ANKS1B: variants seen among roughly 807,000 people sequenced by gnomAD.
ANKS1B encodes the protein ankyrin repeat and sterile alpha motif domain-containing protein 1B.
In ANKS1B, 36 loss-of-function variants were observed where a neutral mutation model predicts 148.3. The ratio of observed to expected loss-of-function variants is 0.24; its 90% confidence interval spans 0.19 to 0.32. The LOEUF is 0.32. Ranked by LOEUF, ANKS1B falls within the 10% of genes least tolerant of loss-of-function variation. ANKS1B has a pLI of 1.00. For synonymous variants in ANKS1B, 542 were observed against 560.8 expected, an observed-to-expected ratio of 0.97 and a Z score of 0.47; for missense variants, 1,157 against 1,542.6, an observed-to-expected ratio of 0.75 and a Z score of 4.19.
chr12:99,378,652 C>CAAAAAAAAAAAAAAAAAAAAA (rs140892353), intron 12 of ANKS1B, among the ~76,000 whole-genome samples: 1 of 90,710 alleles, frequency 1.1e-5, no homozygotes, highest in Non-Finnish European at 2.4e-5. Flanking sequence ...GACTCCATCT[C>CAAAAAAAAAAAAAAAAAAAAA]AAAAAAAAAA....
intron 14 of ANKS1B, among the ~76,000 whole-genome samples, chr12:99,165,660 C>G (rs1040790887): frequency 1.3e-5 from 2 of 150,596 alleles, no homozygotes; most frequent in African/African-American, 4.9e-5. Flanking sequence ...AACAAAACTC[C>G]AGGCCTCAAT....
At chr12:99,071,730 C>T (rs907457583) in intron 16 of ANKS1B, among the ~76,000 whole-genome samples, 1 of 151,784 alleles carries the variant, frequency 6.6e-6, no homozygotes, top group African/African-American at 2.4e-5. Context: ...TCACTGCAAG[C>T]TCCACCTCCC....
chr12:99,953,655 A>G (rs1168149406), intron 1 of ANKS1B, among the ~76,000 whole-genome samples: 1 of 152,176 alleles, frequency 6.6e-6, no homozygotes, highest in Admixed American at 6.5e-5. Context: ...TGTAAATGCA[A>G]AGATGAGGAA....
intron 14 of ANKS1B, among the ~76,000 whole-genome samples, chr12:99,213,267 G>A (rs931145596): frequency 1.3e-5 from 2 of 152,190 alleles, no homozygotes; most frequent in African/African-American, 4.8e-5. Context: ...AGGAGGTGCT[G>A]GAAGCCTGGC....
intron 14 of ANKS1B, among the ~76,000 whole-genome samples, chr12:99,234,582 T>G (rs751548348): frequency 6.6e-5 from 10 of 152,146 alleles, no homozygotes; most frequent in Non-Finnish European, 1.5e-4. Flanking sequence ...TAGGACAAGG[T>G]GAGAGCTAAA....
intron 14 of ANKS1B, among the ~76,000 whole-genome samples, chr12:99,226,928 G>A (rs2086037328): frequency 6.6e-6 from 1 of 152,180 alleles, no homozygotes; most frequent in Non-Finnish European, 1.5e-5. Context: ...GAAACTTAGA[G>A]GTAAAATTGA....
intron 17 of ANKS1B, among the ~76,000 whole-genome samples, chr12:99,013,220 G>T (rs2099940490): frequency 6.6e-6 from 1 of 152,114 alleles, no homozygotes; most frequent in Non-Finnish European, 1.5e-5. Flanking sequence ...ACAAAATTTT[G>T]CTTTTCTAAT....
At chr12:99,671,787 T>C (rs1372096232) in intron 8 of ANKS1B, among the ~76,000 whole-genome samples, 1 of 152,098 alleles carries the variant, frequency 6.6e-6, no homozygotes, top group Admixed American at 6.6e-5. Context: ...AATAAAGTAG[T>C]ATGTGGTACT....
chr12:99,878,759 A>C (rs1419543843), intron 1 of ANKS1B, among the ~76,000 whole-genome samples: 1 of 152,004 alleles, frequency 6.6e-6, no homozygotes, highest in East Asian at 1.9e-4. Context: ...CCTCATCTGC[A>C]TTTAACCCTT....
rs1432967526 is a variant in ANKS1B at position 98,841,964 on chromosome 12, C to T, written c.2779-9828G>A. ...GATGTGGAGGAACTGGAACTCTCAT[C>T]TTGCTGGTAGGATTGTAAATGGCAC... On this transcript the variant is annotated intron_variant, in intron 17 of 26. Coordinates refer to ENST00000683438, the MANE Select transcript of ANKS1B (RefSeq NM_001352186.2). Among the ~76,000 whole-genome samples, 7 of 152,246 alleles carry T rather than the reference C, an allele frequency of 4.6e-5. No individual in the cohort carries two copies. The South Asian group carries it at 1.5e-3, about 32-fold the overall frequency.
intron 4 of ANKS1B, among the ~76,000 whole-genome samples, chr12:99,796,077 C>A (rs1046873214): frequency 1.3e-5 from 2 of 152,072 alleles, no homozygotes; most frequent in African/African-American, 4.8e-5. Flanking sequence ...CATCACTGCT[C>A]TTGTGCTTTG....
chr12:99,223,462 G>A (rs908755575), intron 14 of ANKS1B, among the ~76,000 whole-genome samples: 12 of 152,000 alleles, frequency 7.9e-5, no homozygotes, highest in African/African-American at 2.7e-4. Flanking sequence ...CAACTAGATG[G>A]TCCCATCTGG....
At chr12:99,130,854 G>A (rs2065887178) in intron 15 of ANKS1B, among the ~76,000 whole-genome samples, 2 of 151,976 alleles carry the variant, frequency 1.3e-5, no homozygotes, top group South Asian at 4.2e-4. Context: ...ATGCCCCTTG[G>A]TACATGCTAT....
At chr12:99,616,359 C>T (rs1007512469) in intron 9 of ANKS1B, among the ~76,000 whole-genome samples, 12 of 152,096 alleles carry the variant, frequency 7.9e-5, no homozygotes, top group African/African-American at 9.7e-5. Flanking sequence ...AAGAACAAAG[C>T]TGGAGGCATC....
At chr12:99,588,214 T>C (rs1365376796) in intron 9 of ANKS1B, among the ~76,000 whole-genome samples, 1 of 152,130 alleles carries the variant, frequency 6.6e-6, no homozygotes, top group Non-Finnish European at 1.5e-5. Flanking sequence ...TGCTTTGAGC[T>C]AAACACTCTT....
chr12:99,049,768 A>G lies in ANKS1B; in HGVS notation c.2778+3389T>C, dbSNP rs11109708. Among the ~76,000 whole-genome samples, 765 of 152,378 alleles carry G rather than the reference A, an allele frequency of 5.0e-3. 11 individuals carry two copies. Among genetic ancestry groups the G allele is most frequent in the African/African-American group, 0.018 (733 of 41,592 alleles). ...TCATGGGGCATGTGAAATAATTTAC[A>G]TGGGACACACGTGGATATTGCTACC... On this transcript the variant is annotated intron_variant, in intron 17 of 26. Transcript: ENST00000683438.
chr12:99,277,839 T>A (rs2077877790), intron 12 of ANKS1B, among the ~76,000 whole-genome samples: 1 of 152,214 alleles, frequency 6.6e-6, no homozygotes, highest in South Asian at 2.1e-4. Context: ...CATTGTGAAG[T>A]ATTGCCCCAT....
chr12:99,653,326 A>T (rs945884011), intron 9 of ANKS1B, among the ~76,000 whole-genome samples: 1 of 152,214 alleles, frequency 6.6e-6, no homozygotes, highest in African/African-American at 2.4e-5. Flanking sequence ...TTCAGTAATT[A>T]TTTTTAAGAT....
At chr12:99,480,794 T>C (rs906122825) in intron 10 of ANKS1B, among the ~76,000 whole-genome samples, 3 of 151,838 alleles carry the variant, frequency 2.0e-5, no homozygotes, top group Non-Finnish European at 4.4e-5. Context: ...TCTTCATTAG[T>C]TTTTTCCTCA....
Sources: allele counts gnomAD v4.1 joint callset (sites outside exome capture counted in the v4.1 genomes callset), GRCh38; gene constraint gnomAD v4.1.1; transcripts MANE v1.5; gene names NCBI Gene and HGNC (gene_info 2026-07-23, HGNC 2026-07-21).